IMMP2L: variants seen among roughly 807,000 people sequenced by gnomAD.
IMMP2L encodes the protein inner mitochondrial membrane peptidase subunit 2.
A neutral mutation model predicts 19.3 loss-of-function variants in IMMP2L; 18 were observed. That is an observed-to-expected ratio of 0.93 (90% confidence interval 0.64 to 1.38). IMMP2L has a LOEUF of 1.38. Among genes scored for constraint, IMMP2L ranks in the 40% most tolerant of loss-of-function variants. The pLI is 0.00. For missense variants in IMMP2L, 233 were observed against 218.2 expected (o/e 1.07, Z -0.43); for synonymous variants, 76 against 73.0 (o/e 1.04, Z -0.21).
chr7:111,270,049 ATGTG>A (rs1334442136), intron 3 of IMMP2L, among the ~76,000 whole-genome samples: 1 of 132,882 alleles, frequency 7.5e-6, no homozygotes, highest in Admixed American at 7.4e-5. Context: ...GTGTGCATGC[ATGTG>A]TGTCTGTGTG....
chr7:110,854,554 ACT>A (rs1189311064), intron 5 of IMMP2L, among the ~76,000 whole-genome samples: 1 of 151,970 alleles, frequency 6.6e-6, no homozygotes, highest in Non-Finnish European at 1.5e-5. Flanking sequence ...TTACTGAATA[ACT>A]CCATATTGAC....
intron 3 of IMMP2L, among the ~76,000 whole-genome samples, chr7:111,351,509 C>T (rs1234362045): frequency 6.6e-6 from 1 of 152,140 alleles, no homozygotes; most frequent in Non-Finnish European, 1.5e-5. Context: ...ACTTACACTG[C>T]ACTGTGTAAC....
At chr7:111,250,033 A>C (rs1370643500) in intron 3 of IMMP2L, among the ~76,000 whole-genome samples, 1 of 152,192 alleles carries the variant, frequency 6.6e-6, no homozygotes, top group Non-Finnish European at 1.5e-5. Context: ...AAAGCTCCTT[A>C]AGCTGATAAG....
At chr7:110,962,593 G>A (rs970409231) in intron 4 of IMMP2L, 8 of 327,930 alleles carry the variant, frequency 2.4e-5, no homozygotes, top group Non-Finnish European at 3.5e-5. Context: ...AGTGAAAAAC[G>A]GCAAGTAACA....
chr7:111,242,250 C>A (rs1328850987), intron 3 of IMMP2L, among the ~76,000 whole-genome samples: 1 of 151,982 alleles, frequency 6.6e-6, no homozygotes, highest in Non-Finnish European at 1.5e-5. Flanking sequence ...ATAAATCAGT[C>A]CCTTTTAGAC....
intron 1 of IMMP2L, among the ~76,000 whole-genome samples, chr7:111,535,581 G>A (rs1019892266): frequency 6.6e-6 from 1 of 152,028 alleles, no homozygotes; most frequent in African/African-American, 2.4e-5. Flanking sequence ...CAGGAAAAGG[G>A]ACTAATCCAA....
At chr7:110,755,733 G>A (rs539494951) in intron 5 of IMMP2L, among the ~76,000 whole-genome samples, 2 of 152,032 alleles carry the variant, frequency 1.3e-5, no homozygotes, top group African/African-American at 4.8e-5. Flanking sequence ...GAAGAGAAGC[G>A]GAAGTTTGCT....
intron 2 of IMMP2L, among the ~76,000 whole-genome samples, chr7:111,504,815 A>C (rs1385966013): frequency 1.3e-5 from 2 of 152,144 alleles, no homozygotes; most frequent in East Asian, 3.9e-4. Context: ...TTATACAAAA[A>C]TTAATTCAAG....
intron 3 of IMMP2L, among the ~76,000 whole-genome samples, chr7:111,146,857 G>A (rs530520302): frequency 2.7e-4 from 41 of 152,180 alleles, no homozygotes; most frequent in African/African-American, 9.9e-4. Flanking sequence ...CACTGAGTTC[G>A]ACAGATGCTG....
intron 3 of IMMP2L, among the ~76,000 whole-genome samples, chr7:111,317,338 A>G (rs553475485): frequency 2.6e-5 from 4 of 152,286 alleles, no homozygotes; most frequent in South Asian, 2.1e-4. Flanking sequence ...AATTGTCAGT[A>G]TATCATTATT....
In IMMP2L at chr7:111,175,878, C is replaced by T. The variant is rs753290197; in HGVS notation, c.240-212313G>A. On this transcript the variant is annotated intron_variant, in intron 3 of 5. Coordinates refer to ENST00000405709, the MANE Select transcript of IMMP2L (RefSeq NM_032549.4). The stretch of plus-strand genomic sequence containing the variant: ...GGAGAAAATATTTGCTAAGTGTCCA[C>T]CTGAGAAGGGATTAATAATAAGAAT... Among the ~76,000 whole-genome samples, 6 of 151,466 alleles carry T rather than the reference C, an allele frequency of 4.0e-5. 1 individual carries two copies. The highest frequency in any genetic ancestry group is 8.8e-5 in the Non-Finnish European group (6 of 67,810).
At chr7:111,196,881 G>C (rs1158030667) in intron 3 of IMMP2L, among the ~76,000 whole-genome samples, 1 of 151,910 alleles carries the variant, frequency 6.6e-6, no homozygotes, top group Non-Finnish European at 1.5e-5. Context: ...TCTTTAACAG[G>C]GCATACAAAA....
intron 3 of IMMP2L, among the ~76,000 whole-genome samples, chr7:110,999,840 T>G (rs1350578130): frequency 6.6e-6 from 1 of 152,134 alleles, no homozygotes; most frequent in African/African-American, 2.4e-5. Flanking sequence ...AGTCTTTTCC[T>G]TGAGTGGGAA....
At chr7:111,184,119 CTATGGT>C (rs1263863408) in intron 3 of IMMP2L, among the ~76,000 whole-genome samples, 1 of 151,704 alleles carries the variant, frequency 6.6e-6, no homozygotes, top group Non-Finnish European at 1.5e-5. Context: ...TTTTTTCATA[CTATGGT>C]TTACTACTTT....
intron 3 of IMMP2L, among the ~76,000 whole-genome samples, chr7:111,178,957 CCCTT>C (rs1807392417): frequency 1.3e-5 from 2 of 152,010 alleles, no homozygotes; most frequent in South Asian, 2.1e-4. Flanking sequence ...AATGGTGACT[CCCTT>C]CCAGGTTTTC....
At chr7:111,226,716 C>T (rs1813146978) in intron 3 of IMMP2L, among the ~76,000 whole-genome samples, 1 of 152,112 alleles carries the variant, frequency 6.6e-6, no homozygotes, top group Admixed American at 6.6e-5. Flanking sequence ...TTAACTCTGG[C>T]AACAATAACA....
At chr7:111,241,345 T>A (rs938523198) in intron 3 of IMMP2L, among the ~76,000 whole-genome samples, 24 of 151,992 alleles carry the variant, frequency 1.6e-4, no homozygotes, top group South Asian at 2.1e-4. Context: ...TTCTATGTAT[T>A]GAACATAAAG....
chr7:110,954,896 T>C (rs989721071), intron 4 of IMMP2L, among the ~76,000 whole-genome samples: 7 of 152,062 alleles, frequency 4.6e-5, no homozygotes, highest in Admixed American at 1.3e-4. Context: ...GTCACCATTA[T>C]TGGAAAAAGC....
At chr7:111,217,126 T>TCA (rs1315821493) in intron 3 of IMMP2L, among the ~76,000 whole-genome samples, 79 of 124,054 alleles carry the variant, frequency 6.4e-4, no homozygotes, top group South Asian at 1.2e-3. Flanking sequence ...TCTCTCTCTC[T>TCA]CACACACACA....
Sources: gnomAD v4.1 joint callset for allele counts (sites outside exome capture counted in the v4.1 genomes callset) on GRCh38, gnomAD v4.1.1 for gene constraint, MANE v1.5 for transcripts, NCBI Gene and HGNC (gene_info 2026-07-23, HGNC 2026-07-21) for gene names.